The following PARVB variants were observed in gnomAD, a reference collection of about 807,000 sequenced individuals.
PARVB encodes the protein parvin beta, also known as beta-parvin.
Under a neutral mutation model 47.0 loss-of-function variants are expected in PARVB, and 46 were observed. The ratio of observed to expected loss-of-function variants is 0.98; its 90% CI spans 0.77 to 1.25. The LOEUF is 1.25. PARVB is among the 50% of genes most tolerant of loss of function. PARVB has a pLI of 0.00. For missense variants in PARVB, 473 were observed against 471.6 expected, an observed-to-expected ratio of 1.00 and a Z score of -0.03; for synonymous variants, 196 against 196.3, an observed-to-expected ratio of 1.00 and a Z score of 0.01.
At chr22:44,031,462 T>C (rs2050825618) in intron 1 of PARVB, 1 of 152,310 alleles carries the variant, frequency 6.6e-6, no homozygotes, top group Non-Finnish European at 1.5e-5. Flanking sequence ...TTTGTTTTCT[T>C]GAAGGCCTAC....
At chr22:44,127,893 T>C (rs990572265) in intron 4 of PARVB, among the ~76,000 whole-genome samples, 20 of 152,006 alleles carry the variant, frequency 1.3e-4, no homozygotes, top group African/African-American at 4.4e-4. Context: ...TGGATGATCT[T>C]CCCACCTCAG....
chr22:44,093,407 C>T (rs925469895), intron 1 of PARVB, among the ~76,000 whole-genome samples: 2 of 152,204 alleles, frequency 1.3e-5, no homozygotes, highest in Non-Finnish European at 2.9e-5. Flanking sequence ...CCATCCTGAC[C>T]CGGGTGTTCC....
chr22:44,020,055 A>T (rs901237712), upstream of PARVB, among the ~76,000 whole-genome samples: 4 of 152,062 alleles, frequency 2.6e-5, no homozygotes, highest in African/African-American at 9.7e-5. Context: ...GCAAGTCGGC[A>T]CTCAGTTCTG....
At chr22:44,082,380 G>A (rs2051923680) in intron 1 of PARVB, among the ~76,000 whole-genome samples, 1 of 152,074 alleles carries the variant, frequency 6.6e-6, no homozygotes, top group Non-Finnish European at 1.5e-5. Flanking sequence ...TTAGCTGGGT[G>A]TGGTGGTGCA....
At chr22:44,147,830 C>T (rs370472472) in intron 8 of PARVB, 31 bp from the exon 9 acceptor site, 18 of 1,606,974 alleles carry the variant, frequency 1.1e-5, no homozygotes, top group Non-Finnish European at 1.4e-5. Flanking sequence ...TCCATAAACG[C>T]TCCTTCGTGT....
At chr22:44,018,974 A>G (rs1379854754) in intron 2 of PARVB, among the ~76,000 whole-genome samples, 1 of 152,180 alleles carries the variant, frequency 6.6e-6, no homozygotes, top group African/African-American at 2.4e-5. Context: ...CTGGAGTGCA[A>G]TGGCATGATC....
At chr22:44,127,107 G>A (rs1354571262) in intron 4 of PARVB, among the ~76,000 whole-genome samples, 2 of 152,218 alleles carry the variant, frequency 1.3e-5, no homozygotes, top group African/African-American at 4.8e-5. Context: ...TATCCATAAA[G>A]TATAACATGA....
intron 1 of PARVB, among the ~76,000 whole-genome samples, chr22:44,071,565 C>T (rs956356144): frequency 9.9e-5 from 15 of 152,170 alleles, no homozygotes; most frequent in African/African-American, 2.7e-4. Context: ...ATCCTCCACC[C>T]GCTGTGGCCT....
At chr22:44,137,482 TTA>T (rs1404065460) in intron 7 of PARVB, among the ~76,000 whole-genome samples, 2 of 152,210 alleles carry the variant, frequency 1.3e-5, no homozygotes, top group Non-Finnish European at 2.9e-5. Flanking sequence ...GGCTGGTGTC[TTA>T]GTTGTTTATT....
chr22:44,078,403 T>C (rs2051824245), intron 1 of PARVB, among the ~76,000 whole-genome samples: 1 of 152,172 alleles, frequency 6.6e-6, no homozygotes, highest in Non-Finnish European at 1.5e-5. Flanking sequence ...GTTCCCCTCT[T>C]CTCTGCCACC....
chr22:44,085,431 G>T (rs979089927), intron 1 of PARVB, among the ~76,000 whole-genome samples: 1 of 151,974 alleles, frequency 6.6e-6, no homozygotes, highest in Non-Finnish European at 1.5e-5. Context: ...CAGCCTCCTG[G>T]GTAGCTGGGA....
chr22:44,138,796 G>A (rs965289314), intron 7 of PARVB, among the ~76,000 whole-genome samples: 1 of 152,166 alleles, frequency 6.6e-6, no homozygotes, highest in Non-Finnish European at 1.5e-5. Flanking sequence ...TGGCTTATGA[G>A]GTCTGTCACT....
At chr22:44,029,648 C>T (rs1480650775) in intron 1 of PARVB, among the ~76,000 whole-genome samples, 1 of 151,670 alleles carries the variant, frequency 6.6e-6, no homozygotes, top group African/African-American at 2.4e-5. Flanking sequence ...TGGTGGCTCA[C>T]GCCTGTAATC....
chr22:44,053,313 C>T (rs1169759726), intron 1 of PARVB, among the ~76,000 whole-genome samples: 3 of 151,994 alleles, frequency 2.0e-5, no homozygotes, highest in Non-Finnish European at 4.4e-5. Flanking sequence ...CGAACTCCTG[C>T]CCTCATGATC....
At chr22:44,055,613 G>A (rs540928269) in intron 1 of PARVB, among the ~76,000 whole-genome samples, 38 of 152,150 alleles carry the variant, frequency 2.5e-4, no homozygotes, top group African/African-American at 8.4e-4. Flanking sequence ...GATTACAGGC[G>A]TGAGCCACCG....
intron 2 of PARVB, among the ~76,000 whole-genome samples, chr22:44,018,818 G>T (rs1302578018): frequency 6.6e-6 from 1 of 152,196 alleles, no homozygotes; most frequent in Non-Finnish European, 1.5e-5. Flanking sequence ...GGCCACATGG[G>T]CGGGCTTGCC....
chr22:44,026,313 A>G (rs2050727735), intron 1 of PARVB: 1 of 985,358 alleles, frequency 1.0e-6, no homozygotes, highest in Non-Finnish European at 1.2e-6. Context: ...TGCTGAATAG[A>G]ACGGGCGTGG....
chr22:44,004,658 G>A (rs60176632), intron 2 of PARVB, among the ~76,000 whole-genome samples: 2 of 152,200 alleles, frequency 1.3e-5, no homozygotes, highest in South Asian at 4.1e-4. Flanking sequence ...GCCTCACGTA[G>A]TTCCTGCCTT....
chr22:44,163,032 C>T (rs927741538), intron 11 of PARVB, among the ~76,000 whole-genome samples: 6 of 152,172 alleles, frequency 3.9e-5, no homozygotes, highest in Non-Finnish European at 7.4e-5. Flanking sequence ...GTGCTAAGGC[C>T]CTCCCTCCCC....
Sources: allele counts gnomAD v4.1 joint callset (sites outside exome capture counted in the v4.1 genomes callset), GRCh38; gene constraint gnomAD v4.1.1; transcripts MANE v1.5; gene names NCBI Gene and HGNC (gene_info 2026-07-23, HGNC 2026-07-21).